The following FRY variants were observed in gnomAD, a reference collection of about 807,000 sequenced individuals.
FRY encodes the protein protein furry homolog.
A neutral mutation model predicts 348.4 loss-of-function variants in FRY; 128 were observed. The observed-to-expected ratio is 0.37, with a 90% CI of 0.32 to 0.43. The LOEUF is 0.43. Ranked by LOEUF, FRY falls within the 20% of genes least tolerant of loss-of-function variation. FRY has a pLI of 1.00. For synonymous variants in FRY, 1,370 were observed against 1,374.7 expected, an observed-to-expected ratio of 1.00 and a Z score of 0.08; for missense variants, 2,736 against 3,695.2, an observed-to-expected ratio of 0.74 and a Z score of 6.73.
chr13:32,223,538 G>C (rs1334600045), intron 36 of FRY, among the ~76,000 whole-genome samples: 1 of 152,096 alleles, frequency 6.6e-6, no homozygotes, highest in Non-Finnish European at 1.5e-5. Flanking sequence ...AACTTTGGGA[G>C]GCCAAGGTGG....
chr13:32,278,503 A>G lies in FRY; in HGVS notation c.8424A>G (p.Ser2808=), dbSNP rs953211804. ...ANCKATFAGG[S]RDGVITCQPG... ...GTAAGGCAACATTTGCAGGGGGATC[A>G]AGAGATGGAGTAATTACCTGTCAAC... The change falls in exon 58 of 61, where the codon TCA becomes TCG. Residue 2808 remains serine, a synonymous_variant. Transcript: ENST00000542859. The G allele has an allele frequency of 3.1e-6, 5 of 1,603,166 alleles. No individual in the cohort carries two copies. The highest frequency in any genetic ancestry group is 1.3e-5 in the African/African-American group (1 of 74,708).
At chr13:32,224,905 G>A (rs1251248124) in intron 37 of FRY, 28 bp from the exon 38 acceptor site, 1 of 1,259,936 alleles carries the variant, frequency 7.9e-7, no homozygotes, top group Non-Finnish European at 1.2e-6. Context: ...TTCAGAAGTT[G>A]CATTAATTTC....
chr13:32,192,014 G>T (rs1883365501), intron 28 of FRY, among the ~76,000 whole-genome samples: 1 of 152,104 alleles, frequency 6.6e-6, no homozygotes, highest in Non-Finnish European at 1.5e-5. Context: ...CTAACAAGTA[G>T]TGCTAGAAGT....
chr13:32,209,584 G>A lies in FRY; in HGVS notation c.4276-1G>A, dbSNP rs1884564602. ...TTGGGCCGGTTTTTATTTTGTTATA[G>A]TATGGAGATGAAGTTCCTGGGCCAG... On this transcript the variant is annotated splice_acceptor_variant, in intron 32 of 60. Coordinates refer to ENST00000542859, the MANE Select transcript of FRY (RefSeq NM_023037.3). LOFTEE classifies it high-confidence loss of function. 2 of 1,613,876 alleles carry A rather than the reference G, an allele frequency of 1.2e-6. No homozygotes were observed. The highest frequency in any genetic ancestry group is 1.7e-5 in the Admixed American group (1 of 59,996).
At chr13:32,083,618 C>T (rs370054572) in intron 2 of FRY, among the ~76,000 whole-genome samples, 182 of 152,140 alleles carry the variant, frequency 1.2e-3, no homozygotes, top group African/African-American at 4.1e-3. Context: ...TATTGCTGTC[C>T]GGGGCCAAAT....
At chr13:32,284,083 G>A (rs961348351) in intron 58 of FRY, among the ~76,000 whole-genome samples, 1 of 152,190 alleles carries the variant, frequency 6.6e-6, no homozygotes, top group Non-Finnish European at 1.5e-5. Flanking sequence ...TTCTGCAGAG[G>A]TGGCCCCAGA....
chr13:32,133,768 C>CTTTTTTTTTTTTTTTTTTTTTTTATTT (rs34413710), intron 8 of FRY, among the ~76,000 whole-genome samples: 1 of 89,286 alleles, frequency 1.1e-5, no homozygotes, highest in African/African-American at 4.3e-5. Context: ...TTCTTTCTTT[C>CTTTTTTTTTTTTTTTTTTTTTTTATTT]TTTTTTTTTT....
At chr13:32,227,662 G>A (rs1228801035) in intron 39 of FRY, among the ~76,000 whole-genome samples, 2 of 151,546 alleles carry the variant, frequency 1.3e-5, no homozygotes, top group African/African-American at 4.9e-5. Context: ...TAATACTAAA[G>A]CTTCTGGGCA....
chr13:32,231,248 G>A lies in FRY; in HGVS notation c.5475G>A (p.Gln1825=). ...ATCAAAATTCAAAGAGTGCTGAACA[G>A]CTCACTAATTTTCTACGTCACGTTG... ...PKNQNSKSAE[Q]LTNFLRHVVS... Residue 1825 remains glutamine, a synonymous_variant, in exon 41 of 61, where the codon CAG becomes CAA. Transcript: ENST00000542859. The A allele has an allele frequency of 1.9e-6, 3 of 1,612,858 alleles. No homozygotes were observed. Among genetic ancestry groups the A allele is most frequent in the South Asian group, 1.1e-5 (1 of 91,054 alleles).
chr13:32,122,095 C>T (rs1171463091), intron 4 of FRY, among the ~76,000 whole-genome samples: 1 of 152,002 alleles, frequency 6.6e-6, no homozygotes, highest in Non-Finnish European at 1.5e-5. Flanking sequence ...CTGTAAACAC[C>T]ACATAAACAG....
At chr13:32,033,561 A>G (rs991726929) in intron 1 of FRY, among the ~76,000 whole-genome samples, 4 of 152,352 alleles carry the variant, frequency 2.6e-5, no homozygotes, top group East Asian at 1.9e-4. Flanking sequence ...CTCTCCCCAC[A>G]TACATACTTC....
At chr13:32,270,533 T>G (rs997942772) in intron 55 of FRY, among the ~76,000 whole-genome samples, 2 of 152,242 alleles carry the variant, frequency 1.3e-5, no homozygotes, top group Non-Finnish European at 2.9e-5. Context: ...AAAGAATGAT[T>G]AATAATATAT....
At chr13:32,119,310 G>A (rs557344429) in intron 4 of FRY, among the ~76,000 whole-genome samples, 2 of 152,272 alleles carry the variant, frequency 1.3e-5, no homozygotes, top group East Asian at 3.9e-4. Flanking sequence ...TGTCAGGGAT[G>A]CACATTGGGT....
At chr13:32,101,270 C>T (rs1011865181) in intron 2 of FRY, among the ~76,000 whole-genome samples, 1 of 152,134 alleles carries the variant, frequency 6.6e-6, no homozygotes, top group Non-Finnish European at 1.5e-5. Flanking sequence ...ACTCCAGGTT[C>T]GTCCATGTTG....
chr13:32,140,260 C>T (rs959625315), intron 11 of FRY, among the ~76,000 whole-genome samples: 1 of 152,120 alleles, frequency 6.6e-6, no homozygotes. Context: ...CACTGAGTTT[C>T]CTTATGCTTT....
chr13:32,035,770 G>A (rs941718674), intron 1 of FRY, among the ~76,000 whole-genome samples: 93 of 152,256 alleles, frequency 6.1e-4, no homozygotes, highest in African/African-American at 2.1e-3. Flanking sequence ...TAACTCTTTC[G>A]CATATTTAGA....
Position 32,265,715 on chromosome 13 carries a change from A to T in FRY, c.7946+99A>T, listed in dbSNP as rs1377996102. The T allele has an allele frequency of 3.3e-6, 4 of 1,216,346 alleles. No individual in the cohort carries two copies. The Admixed American group carries it at 7.9e-5, about 24-fold the overall frequency. The allele number at this position is 1,216,346 out of a possible 1,614,324, so 75.3% of individuals were successfully genotyped here. On this transcript the variant is annotated intron_variant, in intron 54 of 60. Coordinates refer to ENST00000542859, the MANE Select transcript of FRY (RefSeq NM_023037.3). ...AGTGTCACAGTTGCACTGCTGGGAC[A>T]TCCTAATAAAGGACTCCAAAGTGAC...
intron 11 of FRY, 145 bp downstream of exon 11, chr13:32,137,117 A>G: frequency 1.5e-6 from 1 of 662,830 alleles, no homozygotes; most frequent in Non-Finnish European, 2.7e-6. Context: ...TATTAATAAG[A>G]GTTCTTATTA....
At position 32,183,030 on chromosome 13, in the gene FRY, C is replaced by A; in HGVS notation, c.3050C>A (p.Pro1017Gln). The change falls in exon 24 of 61, where the codon CCA (proline) becomes CAA (glutamine). Residue 1017 changes from proline (P) to glutamine (Q), a missense_variant. Transcript: ENST00000542859. ...ATGAAAGAAGCTCTGGAAAGAAGAC[C>A]AGAGGTAAGAATTTGAATTTAAAAA... ...PLMKEALERR[P>Q]ENKKRRERRD... is the part of the protein sequence containing the mutation. The A allele has an allele frequency of 1.3e-6, 2 of 1,585,750 alleles. No individual in the cohort carries two copies. The highest frequency in any genetic ancestry group is 1.1e-5 in the South Asian group (1 of 89,720).
Sources: allele counts gnomAD v4.1 joint callset (sites outside exome capture counted in the v4.1 genomes callset), GRCh38; gene constraint gnomAD v4.1.1; transcripts MANE v1.5; gene names NCBI Gene and HGNC (gene_info 2026-07-23, HGNC 2026-07-21).